The following ZNF486 variants were observed in gnomAD, a reference collection of about 807,000 sequenced individuals.
ZNF486 encodes the protein zinc finger protein 486.
In ZNF486, 12 loss-of-function variants were observed where a neutral mutation model predicts 12.8. The observed-to-expected ratio is 0.94, with a 90% CI of 0.60 to 1.52. ZNF486 has a LOEUF of 1.52. ZNF486 is among the 40% of genes most tolerant of loss of function. The probability of loss-of-function intolerance (pLI) is 0.00; values close to 1 mark genes in which losing one functional copy is unlikely to be tolerated. For synonymous variants in ZNF486, 231 were observed against 184.9 expected (o/e 1.25, Z -2.02); for missense variants, 738 against 545.0 (o/e 1.35, Z -3.53).
At chr19:20,194,440 ACTGGTG>A (rs2089937855) in intron 3 of ZNF486, among the ~76,000 whole-genome samples, 1 of 152,186 alleles carries the variant, frequency 6.6e-6, no homozygotes, top group Non-Finnish European at 1.5e-5. Flanking sequence ...AAATAAATTC[ACTGGTG>A]CCGGTTGTGG....
At chr19:20,169,345 G>GT (rs2089621021) in intron 1 of ZNF486, among the ~76,000 whole-genome samples, 1 of 152,270 alleles carries the variant, frequency 6.6e-6, no homozygotes, top group East Asian at 1.9e-4. Context: ...CCAACCTCAG[G>GT]TGATCCATCC....
At chr19:20,178,238 T>C (rs2089744788) in intron 1 of ZNF486, among the ~76,000 whole-genome samples, 2 of 150,396 alleles carry the variant, frequency 1.3e-5, no homozygotes, top group Admixed American at 6.6e-5. Context: ...AAGAAAATTG[T>C]TCTTCTCTTT....
At chr19:20,167,694 C>A (rs976980187) in intron 1 of ZNF486, among the ~76,000 whole-genome samples, 3 of 152,152 alleles carry the variant, frequency 2.0e-5, no homozygotes, top group Non-Finnish European at 4.4e-5. Flanking sequence ...GGTGCGGGTT[C>A]ACGATTCGGA....
At chr19:20,184,088 C>T (rs936591268) in intron 1 of ZNF486, among the ~76,000 whole-genome samples, 3 of 152,092 alleles carry the variant, frequency 2.0e-5, no homozygotes, top group African/African-American at 4.8e-5. Context: ...CAAAAATGTA[C>T]ATGTTCATGT....
At chr19:20,196,532 C>T (rs1482524593) in intron 3 of ZNF486, among the ~76,000 whole-genome samples, 1 of 151,938 alleles carries the variant, frequency 6.6e-6, no homozygotes, top group Admixed American at 6.6e-5. Context: ...GTTTCACCAT[C>T]TTGGCCAGGA....
intron 1 of ZNF486, among the ~76,000 whole-genome samples, chr19:20,180,844 T>TA (rs1326257486): frequency 1.3e-5 from 2 of 152,228 alleles, no homozygotes; most frequent in Non-Finnish European, 2.9e-5. Flanking sequence ...TACTTTTTTT[T>TA]ACCTTCTAAA....
chr19:20,176,589 G>A (rs369976648), intron 1 of ZNF486: 7 of 169,998 alleles, frequency 4.1e-5, no homozygotes, highest in Non-Finnish European at 8.8e-5. Context: ...TCAGGAGGCC[G>A]AGGCTGGCGG....
chr19:20,168,057 G>A (rs569820144), intron 1 of ZNF486, among the ~76,000 whole-genome samples: 62 of 151,312 alleles, frequency 4.1e-4, no homozygotes, highest in Admixed American at 2.6e-4. Flanking sequence ...CAAAAACTAC[G>A]TTGGGGTTAA....
chr19:20,182,704 C>T (rs73540125), intron 1 of ZNF486, among the ~76,000 whole-genome samples: 5,080 of 152,148 alleles, frequency 0.033, 312 homozygotes, highest in African/African-American at 0.12. Flanking sequence ...TTTCTATCTT[C>T]ATGGAGCAAT....
In ZNF486 at chr19:20,189,956, T is replaced by C. The variant is rs28710870; in HGVS notation, c.253+3874T>C. On this transcript the variant is annotated intron_variant, in intron 3 of 3. Transcript: ENST00000335117. ...ATTTGTTAGTTTCTTTATGTCTAAG[T>C]ATTTTGTTTAAAATATATTTTTGTA... Among the ~76,000 whole-genome samples, 291 of 152,352 alleles carry C rather than the reference T, an allele frequency of 1.9e-3. 2 individuals carry two copies. The highest frequency in any genetic ancestry group is 6.8e-3 in the African/African-American group (281 of 41,592).
intron 1 of ZNF486, among the ~76,000 whole-genome samples, chr19:20,171,276 C>G (rs1972781): frequency 0.053 from 8,060 of 152,194 alleles, 756 homozygotes; most frequent in African/African-American, 0.18. Flanking sequence ...CAGGTCTTCT[C>G]CCAGGGTGAC....
In ZNF486 at chr19:20,197,242, GA is replaced by G. The variant is rs558552453; in HGVS notation, c.540del (p.Lys180AsnfsTer3). 1.2e-5 allele frequency: 19 copies of G among 1,609,514 alleles called. No individual in the cohort carries two copies. In the South Asian group the frequency reaches 1.3e-4, roughly 11 times the overall value. On this transcript the variant is annotated frameshift_variant, in exon 4 of 4. Transcript: ENST00000335117. LOFTEE classifies it low-confidence loss of function (END_TRUNC). ...AAAGAGACATAAAAGAAGACATACT[GA>G]AAAAAAACCTTTGAAATATATAGAA... is the stretch of plus-strand genomic sequence containing the variant. ...NSKRHKRRHTEKKPLKYIEGD... is the reference protein window; with the variant it reads ...NSKRHKRRHTXKKPLKYIEGD...
intron 1 of ZNF486, chr19:20,175,249 T>C (rs542382979): frequency 6.6e-6 from 1 of 152,264 alleles, no homozygotes; most frequent in Non-Finnish European, 1.5e-5. Context: ...ATCAATTTTA[T>C]ATCTAATCTG....
At chr19:20,176,146 C>CG (rs2089710667) in intron 1 of ZNF486, 1 of 176,182 alleles carries the variant, frequency 5.7e-6, no homozygotes, top group East Asian at 1.9e-4. Flanking sequence ...ACCTCCCAGA[C>CG]GGGGTCGCGG....
chr19:20,172,759 C>T (rs2089663445), intron 1 of ZNF486, among the ~76,000 whole-genome samples: 1 of 151,670 alleles, frequency 6.6e-6, no homozygotes, highest in Admixed American at 6.6e-5. Context: ...CCTGCCTCAG[C>T]CTTCTGAGTA....
chr19:20,197,035 C>T lies in ZNF486; in HGVS notation c.325C>T (p.Leu109=). 6.2e-7 allele frequency: 1 copy of T among 1,609,628 alleles called. No individual in the cohort carries two copies. The highest frequency in any genetic ancestry group is 2.2e-5 in the East Asian group (1 of 44,838). ...AAAAGATTCTTACCAAAAAGTGATA[C>T]TGAGAAAATTTGAAAAATGTGGACA... ...SIKDSYQKVI[L]RKFEKCGHGN... Residue 109 remains leucine (L), a synonymous_variant, in exon 4 of 4, where the codon CTG becomes TTG. Coordinates refer to ENST00000335117, the MANE Select transcript of ZNF486 (RefSeq NM_052852.4).
At chr19:20,184,190 T>G (rs1466049735) in intron 1 of ZNF486, among the ~76,000 whole-genome samples, 166 bp from the exon 2 acceptor site, 3 of 152,186 alleles carry the variant, frequency 2.0e-5, no homozygotes, top group Non-Finnish European at 4.4e-5. Context: ...TTTTCAGAGA[T>G]AGAGAATACA....
chr19:20,181,297 T>A (rs1182744250), intron 1 of ZNF486, among the ~76,000 whole-genome samples: 1 of 151,978 alleles, frequency 6.6e-6, no homozygotes, highest in Non-Finnish European at 1.5e-5. Flanking sequence ...CCCAGCACTT[T>A]GGGAGGCCAA....
intron 1 of ZNF486, among the ~76,000 whole-genome samples, chr19:20,182,066 A>C (rs2089793466): frequency 6.6e-6 from 1 of 152,234 alleles, no homozygotes; most frequent in South Asian, 2.1e-4. Flanking sequence ...TTAAAGAGCC[A>C]GCGAAGCATA....
Sources: allele counts gnomAD v4.1 joint callset (sites outside exome capture counted in the v4.1 genomes callset), GRCh38; gene constraint gnomAD v4.1.1; transcripts MANE v1.5; gene names NCBI Gene and HGNC (gene_info 2026-07-23, HGNC 2026-07-21).